The following SLC38A8 variants were observed in gnomAD, a reference collection of about 807,000 sequenced individuals.
The protein encoded by SLC38A8 is solute carrier family 38 member 8, also known as amino acid transporter SLC38A8.
A neutral mutation model predicts 46.0 loss-of-function variants in SLC38A8; 65 were observed. The ratio of observed to expected loss-of-function variants is 1.41; its 90% confidence interval spans 1.16 to 1.74. The LOEUF (loss-of-function observed/expected upper bound fraction) is 1.74. SLC38A8 is among the 40% of genes most tolerant of loss of function. The probability of loss-of-function intolerance (pLI) is 0.00; values close to 1 mark genes in which losing one functional copy is unlikely to be tolerated. For synonymous variants in SLC38A8, 447 were observed against 243.7 expected, an observed-to-expected ratio of 1.83 and a Z score of -7.77; for missense variants, 998 against 567.9, an observed-to-expected ratio of 1.76 and a Z score of -7.70.
chr16:84,043,299 C>G (rs1293182480), upstream of SLC38A8, among the ~76,000 whole-genome samples: 1 of 152,176 alleles, frequency 6.6e-6, no homozygotes, highest in African/African-American at 2.4e-5. Context: ...CGGAGACGGC[C>G]CCATTCCGGA....
In SLC38A8 at chr16:84,042,160, C is replaced by G; in HGVS notation, c.-2-1G>C. 6.2e-7 allele frequency: 1 copy of G among 1,607,202 alleles called. No individual in the cohort carries two copies. Among genetic ancestry groups the G allele is most frequent in the Non-Finnish European group, 8.5e-7 (1 of 1,177,186 alleles). On this transcript the variant is annotated splice_acceptor_variant, in intron 1 of 10. Transcript: ENST00000299709. LOFTEE classifies it low-confidence loss of function (5UTR_SPLICE). The stretch of plus-strand genomic sequence containing the variant: ...CTTCCTGGGGTCTGTCCCTCCATGG[C>G]TAGAGGCGGCAGAGGGGTGGAGAGA...
chr16:84,016,840 C>T (rs996123686), intron 8 of SLC38A8, 113 bp from the exon 9 acceptor site: 4 of 1,217,486 alleles, frequency 3.3e-6, no homozygotes, highest in Non-Finnish European at 4.5e-6. Flanking sequence ...TGCTCCTGTT[C>T]CACACTCAGG....
intron 4 of SLC38A8, 74 bp downstream of exon 4, chr16:84,033,254 C>G (rs971425570): frequency 1.9e-6 from 3 of 1,599,876 alleles, no homozygotes; most frequent in African/African-American, 2.7e-5. Context: ...TCCTCTGACC[C>G]CAGATGGACA....
chr16:84,015,072 CT>C (rs2085009176), intron 9 of SLC38A8, among the ~76,000 whole-genome samples: 1 of 152,094 alleles, frequency 6.6e-6, no homozygotes, highest in Admixed American at 6.6e-5. Flanking sequence ...TTGGGGATAC[CT>C]GGCTAAGGGT....
In SLC38A8 at chr16:84,013,208, C is replaced by G. The variant is rs138662310; in HGVS notation, c.1163-156G>C. Among the ~76,000 whole-genome samples, 250 of 152,296 alleles carry G rather than the reference C, an allele frequency of 1.6e-3. 2 individuals carry two copies. The highest frequency in any genetic ancestry group is 6.8e-3 in the Middle Eastern group (2 of 294). The stretch of plus-strand genomic sequence containing the variant: ...CCCCTGGAGAGGCAACACAGTGGAG[C>G]TGGAAGGACGGGGCTGGAGTCCCAG... On this transcript the variant is annotated intron_variant, in intron 9 of 10. Transcript: ENST00000299709.
chr16:84,032,822 C>CA (rs1555555657), intron 4 of SLC38A8, among the ~76,000 whole-genome samples: 2 of 151,268 alleles, frequency 1.3e-5, no homozygotes, highest in Non-Finnish European at 3.0e-5. Flanking sequence ...CCCTTAGCCA[C>CA]AAAAAAACAA....
At chr16:84,013,225 G>A (rs932715459) in intron 9 of SLC38A8, among the ~76,000 whole-genome samples, 173 bp from the exon 10 acceptor site, 1 of 152,150 alleles carries the variant, frequency 6.6e-6, no homozygotes, top group Non-Finnish European at 1.5e-5. Context: ...GACGGGGCTG[G>A]AGTCCCAGCT....
rs997829956 is a variant in SLC38A8 at position 84,016,514 on chromosome 16, C to G, written c.1162+5G>C. The G allele has an allele frequency of 3.1e-6, 5 of 1,612,892 alleles. No individual in the cohort carries two copies. Among genetic ancestry groups the G allele is most frequent in the African/African-American group, 1.3e-5 (1 of 74,916 alleles). ...GGCAGAAAGCCTGGAAAGCAGGGGCCTCACCTGGGAAGATGAAGATGAAGA... is the reference window on the plus strand; with the variant it reads ...GGCAGAAAGCCTGGAAAGCAGGGGCGTCACCTGGGAAGATGAAGATGAAGA... On this transcript the variant is annotated splice_donor_5th_base_variant and intron_variant, in intron 9 of 10. Coordinates refer to ENST00000299709, the MANE Select transcript of SLC38A8 (RefSeq NM_001080442.3).
intron 9 of SLC38A8, among the ~76,000 whole-genome samples, chr16:84,014,015 A>G (rs1191488084): frequency 2.6e-5 from 4 of 151,994 alleles, no homozygotes; most frequent in East Asian, 1.9e-4. Context: ...CAGCCCTGAA[A>G]GCCCCGCCCA....
Position 84,026,149 on chromosome 16 carries a change from TTAG to T in SLC38A8, c.691-3263_691-3261del, listed in dbSNP as rs796360293. Among the ~76,000 whole-genome samples the T allele has an allele frequency of 6.8e-4, 103 of 152,182 alleles. 1 individual carries two copies. The highest frequency in any genetic ancestry group is 2.3e-3 in the African/African-American group (95 of 41,476). ...GAGTCCAATATAAGGGAAAAGACAG[TTAG>T]TAGTGCCAGACAGGTTGGTGGGCAG... On this transcript the variant is annotated intron_variant, in intron 6 of 10. Transcript: ENST00000299709.
chr16:84,018,938 C>G (rs758463564), intron 7 of SLC38A8, among the ~76,000 whole-genome samples: 1 of 152,036 alleles, frequency 6.6e-6, no homozygotes, highest in Non-Finnish European at 1.5e-5. Flanking sequence ...CCATTGCAGC[C>G]AGAAGTCCCG....
rs567126427 is a variant in SLC38A8, at chr16:84,036,720, C to G, written c.370G>C (p.Gly124Arg). 1.9e-6 allele frequency: 3 copies of G among 1,614,158 alleles called. No homozygotes were observed. The highest frequency in any genetic ancestry group is 1.1e-5 in the South Asian group (1 of 91,082). Reference protein sequence around the residue: ...MISVAFLRVIGDQLEKLCDSL... With the variant: ...MISVAFLRVIRDQLEKLCDSL... ...TACTTACGCTTCTCCAGCTGGTCCC[C>G]GATCACCCTGAGGAAGGCCACGGAG... The change falls in exon 3 of 11, where the codon GGG becomes CGG. Residue 124 changes from glycine (G) to arginine (R), a missense_variant. Physicochemically the swap from Gly to Arg is moderately radical, Grantham distance 125 (BLOSUM62 -2). Transcript: ENST00000299709.
rs371651350 is a variant in SLC38A8 at position 84,009,837 on chromosome 16, C to T, written c.1255G>A (p.Gly419Ser). The T allele has an allele frequency of 5.0e-6, 8 of 1,613,984 alleles. No individual in the cohort carries two copies. Among genetic ancestry groups the T allele is most frequent in the African/African-American group, 2.7e-5 (2 of 74,924 alleles). ...GTGCTCTGCCCAAAGATGAAGGTGC[C>T]GACCAGCACAGAGACCACTCCCCAG... ...EVWGVVSVLV[G>S]TFIFGQSTAA... The change falls in exon 11 of 11, where the codon GGC (glycine) becomes AGC (serine). Residue 419 changes from glycine to serine, a missense_variant. By Grantham distance (56) the Gly-to-Ser change is moderately conservative (BLOSUM62 0). Coordinates refer to ENST00000299709, the MANE Select transcript of SLC38A8 (RefSeq NM_001080442.3).
chr16:84,014,823 T>C (rs1053448058), intron 9 of SLC38A8, among the ~76,000 whole-genome samples: 1 of 152,232 alleles, frequency 6.6e-6, no homozygotes, highest in Non-Finnish European at 1.5e-5. Flanking sequence ...CACACATCAG[T>C]TGGCCTCTTT....
At chr16:84,018,255 C>G (rs2085055438) in intron 7 of SLC38A8, among the ~76,000 whole-genome samples, 1 of 102,236 alleles carries the variant, frequency 9.8e-6, no homozygotes, top group Non-Finnish European at 1.8e-5. Flanking sequence ...TTTTTTGAGA[C>G]AGAGTCTCTC....
At chr16:84,041,671 C>T (rs191417898) in intron 2 of SLC38A8, among the ~76,000 whole-genome samples, 5 of 152,288 alleles carry the variant, frequency 3.3e-5, no homozygotes, top group East Asian at 1.9e-4. Flanking sequence ...CCAGGCAGGG[C>T]GCCCAGAGAG....
intron 7 of SLC38A8, among the ~76,000 whole-genome samples, chr16:84,017,775 A>T (rs2085047714): frequency 6.6e-6 from 1 of 152,168 alleles, no homozygotes; most frequent in South Asian, 2.1e-4. Context: ...CAACAGGGTG[A>T]CACTGCTTCT....
chr16:84,028,625 G>A (rs2085196238), intron 6 of SLC38A8, among the ~76,000 whole-genome samples: 1 of 150,890 alleles, frequency 6.6e-6, no homozygotes, highest in South Asian at 2.1e-4. Context: ...CCTGCTAGGA[G>A]GGCTGCGGGA....
Position 84,033,357 on chromosome 16 carries a change from CG to C in SLC38A8, c.500del (p.Pro167ArgfsTer13). 6.2e-7 allele frequency: 1 copy of C among 1,614,038 alleles called. No homozygotes were observed. The highest frequency in any genetic ancestry group is 8.5e-7 in the Non-Finnish European group (1 of 1,180,000). On this transcript the variant is annotated frameshift_variant, in exon 4 of 11. Transcript: ENST00000299709. LOFTEE classifies it high-confidence loss of function. ...SVLVILPLSA[P>X]REIAFQKYTS... is the part of the protein sequence containing the mutation. ...TGTATTTCTGGAAGGCGATCTCCCG[CG>C]GGGCAGACAGGGGCAGGATGACCAG...
Sources: allele counts gnomAD v4.1 joint callset (sites outside exome capture counted in the v4.1 genomes callset), GRCh38; gene constraint gnomAD v4.1.1; transcripts MANE v1.5; gene names NCBI Gene and HGNC (gene_info 2026-07-23, HGNC 2026-07-21).